Variants in CTNND2 observed in about 807,000 individuals in gnomAD.
CTNND2 encodes catenin delta 2, also known as catenin delta-2.
A neutral mutation model predicts 144.4 loss-of-function variants in CTNND2; 22 were observed. The observed-to-expected ratio is 0.15, with a 90% CI of 0.11 to 0.22. The LOEUF (loss-of-function observed/expected upper bound fraction) is 0.22. CTNND2 is among the 10% of genes least tolerant of loss of function. CTNND2 has a pLI of 1.00. For missense variants in CTNND2, 1,353 were observed against 1,618.8 expected, an observed-to-expected ratio of 0.84 and a Z score of 2.82; for synonymous variants, 751 against 695.6, an observed-to-expected ratio of 1.08 and a Z score of -1.25.
At chr5:11,292,806 T>C (rs1242750994) in intron 9 of CTNND2, among the ~76,000 whole-genome samples, 5 of 152,146 alleles carry the variant, frequency 3.3e-5, no homozygotes, top group African/African-American at 9.7e-5. Context: ...CTGGGTGATA[T>C]TGCCACAGCC....
chr5:11,880,093 G>A (rs139483215), intron 1 of CTNND2, among the ~76,000 whole-genome samples: 183 of 152,262 alleles, frequency 1.2e-3, no homozygotes, highest in Non-Finnish European at 2.3e-3. Context: ...CTTGTGGGCT[G>A]CTGAAACCGG....
At chr5:11,176,456 C>T (rs1179063278) in intron 11 of CTNND2, among the ~76,000 whole-genome samples, 1 of 152,166 alleles carries the variant, frequency 6.6e-6, no homozygotes, top group Non-Finnish European at 1.5e-5. Flanking sequence ...CCATGGCAAA[C>T]TCTTGTCTCT....
rs78748988 is a variant in CTNND2 at position 11,416,986 on chromosome 5, C to A, written c.288-4917G>T. On this transcript the variant is annotated intron_variant, in intron 3 of 21. Transcript: ENST00000304623. ...AAAGACAACCATAAATAACACTTAG[C>A]CTTTAAATACATAAAGACATCAGTG... Among the ~76,000 whole-genome samples the A allele has an allele frequency of 9.1e-3, 1,379 of 152,116 alleles. 27 individuals are homozygous for A. The highest frequency in any genetic ancestry group is 0.032 in the African/African-American group (1,325 of 41,514).
At chr5:11,809,597 T>G (rs971653662) in intron 1 of CTNND2, among the ~76,000 whole-genome samples, 1 of 152,090 alleles carries the variant, frequency 6.6e-6, no homozygotes, top group Non-Finnish European at 1.5e-5. Flanking sequence ...GGACCACAGG[T>G]CTCCAAATAG....
chr5:11,801,966 G>C (rs559896362), intron 1 of CTNND2, among the ~76,000 whole-genome samples: 17 of 151,916 alleles, frequency 1.1e-4, no homozygotes, highest in Admixed American at 5.9e-4. Flanking sequence ...CTGCAGGCTC[G>C]AGTGTGTATC....
At chr5:11,597,138 G>A (rs768731071) in intron 2 of CTNND2, among the ~76,000 whole-genome samples, 10 of 152,176 alleles carry the variant, frequency 6.6e-5, no homozygotes, top group Non-Finnish European at 1.5e-4. Flanking sequence ...CTTATCATTT[G>A]TAGAAACAGC....
rs966778305 is a variant in CTNND2 at position 11,012,593 on chromosome 5, A to C, written c.3084+5381T>G. ...CTCATGGTGTTCCGCCCCTCAGCAG[A>C]GGTGGCCAGAGGGCTGCCGGAAGTC... is the stretch of plus-strand genomic sequence containing the variant. On this transcript the variant is annotated intron_variant, in intron 18 of 21. Coordinates refer to ENST00000304623, the MANE Select transcript of CTNND2 (RefSeq NM_001332.4). 3.9e-4 allele frequency among the ~76,000 whole-genome samples: 60 copies of C among 152,172 alleles called. 1 individual carries two copies. Among genetic ancestry groups the C allele is most frequent in the Admixed American group, 3.7e-3 (57 of 15,286 alleles).
chr5:11,478,719 G>A (rs943551655), intron 3 of CTNND2, among the ~76,000 whole-genome samples: 2 of 152,072 alleles, frequency 1.3e-5, no homozygotes, highest in Non-Finnish European at 2.9e-5. Context: ...ATTTGCCCTG[G>A]TCTTTGAGTA....
chr5:11,306,456 A>G (rs1052577416), intron 9 of CTNND2, among the ~76,000 whole-genome samples: 3 of 152,162 alleles, frequency 2.0e-5, no homozygotes, highest in Non-Finnish European at 4.4e-5. Flanking sequence ...AGGCTCCAGG[A>G]GCTATCATGG....
At position 11,589,013 on chromosome 5, in the gene CTNND2, A is replaced by T. The variant is rs1457944379; in HGVS notation, c.175-23957T>A. On this transcript the variant is annotated intron_variant, in intron 2 of 21. Transcript: ENST00000304623. ...TATGGTAATTTCTGCTTTCACTCGC[A>T]AACAGTTTAAAAGAAAGCAAAGCAA... The T allele has an allele frequency of 1.4e-5, 14 of 985,308 alleles. No homozygotes were observed. In the Admixed American group the frequency reaches 4.3e-4, roughly 30 times the overall value. 61.0% of individuals were successfully genotyped at this position (985,308 alleles called of 1,614,324 possible).
At chr5:11,847,638 A>G (rs1437539021) in intron 1 of CTNND2, among the ~76,000 whole-genome samples, 1 of 152,128 alleles carries the variant, frequency 6.6e-6, no homozygotes, top group East Asian at 1.9e-4. Flanking sequence ...GAATGTTGTC[A>G]CCATAAAGAA....
rs60134286 is a variant in CTNND2, at chr5:11,063,296, A to G, written c.2788+19400T>C. 0.02 allele frequency among the ~76,000 whole-genome samples: 2,978 copies of G among 152,272 alleles called. 160 individuals are homozygous for G. The East Asian group carries it at 0.21, about 11-fold the overall frequency. On this transcript the variant is annotated intron_variant, in intron 16 of 21. Transcript: ENST00000304623. The stretch of plus-strand genomic sequence containing the variant: ...TTTTTGAATATATGAATGGATAGGG[A>G]AAAAAGGCTCATCCATCTGGTGAAT...
chr5:11,566,981 A>G (rs187150037), intron 2 of CTNND2, among the ~76,000 whole-genome samples: 3 of 152,300 alleles, frequency 2.0e-5, no homozygotes, highest in Admixed American at 6.5e-5. Context: ...TTCTTTGGGT[A>G]AAGAAGTCTT....
intron 15 of CTNND2, among the ~76,000 whole-genome samples, chr5:11,097,444 GAGA>G (rs893442349): frequency 3.0e-4 from 45 of 152,300 alleles, no homozygotes; most frequent in African/African-American, 1.0e-3. Context: ...AGACTCTTAG[GAGA>G]AGAAGTGGGT....
At chr5:11,662,210 T>C in intron 2 of CTNND2, among the ~76,000 whole-genome samples, 1 of 134,148 alleles carries the variant, frequency 7.5e-6, no homozygotes, top group Non-Finnish European at 1.5e-5. Context: ...TATATGTATA[T>C]ATATACATAT....
At chr5:11,666,348 C>T (rs939130392) in intron 2 of CTNND2, among the ~76,000 whole-genome samples, 2 of 152,096 alleles carry the variant, frequency 1.3e-5, no homozygotes, top group African/African-American at 4.8e-5. Flanking sequence ...GGAAACCAAA[C>T]CTTAGAAGTC....
chr5:11,666,956 C>T (rs1472938708), intron 2 of CTNND2, among the ~76,000 whole-genome samples: 3 of 151,922 alleles, frequency 2.0e-5, no homozygotes, highest in Admixed American at 1.3e-4. Flanking sequence ...TGTGATGTTC[C>T]CCTCCCTGTG....
intron 16 of CTNND2, among the ~76,000 whole-genome samples, chr5:11,059,546 G>A (rs746140934): frequency 6.6e-5 from 10 of 152,188 alleles, no homozygotes; most frequent in Middle Eastern, 3.4e-3. Flanking sequence ...TATCAGCAGC[G>A]TGAAAACGAA....
At chr5:11,513,581 C>T (rs1169905942) in intron 3 of CTNND2, among the ~76,000 whole-genome samples, 1 of 152,092 alleles carries the variant, frequency 6.6e-6, no homozygotes, top group Non-Finnish European at 1.5e-5. Context: ...ATCTCTATTA[C>T]AGAAAAATAG....
Sources: gnomAD v4.1 joint callset for allele counts (sites outside exome capture counted in the v4.1 genomes callset) on GRCh38, gnomAD v4.1.1 for gene constraint, MANE v1.5 for transcripts, NCBI Gene and HGNC (gene_info 2026-07-23, HGNC 2026-07-21) for gene names.